Variants in PDE4D observed in about 807,000 individuals in gnomAD.
PDE4D encodes 3',5'-cyclic-AMP phosphodiesterase 4D.
A neutral mutation model predicts 87.4 loss-of-function variants in PDE4D; 24 were observed. The observed-to-expected ratio is 0.27, with a 90% confidence interval of 0.20 to 0.39. PDE4D has a LOEUF of 0.39. Among genes scored for constraint, PDE4D ranks in the 10% least tolerant of loss-of-function variants. The probability of loss-of-function intolerance (pLI) is 1.00; values close to 1 mark genes in which losing one functional copy is unlikely to be tolerated. For missense variants in PDE4D, 714 were observed against 1,041.0 expected (o/e 0.69, Z 4.32); for synonymous variants, 384 against 383.2 (o/e 1.00, Z -0.02).
At chr5:60,307,437 C>T (rs1169734566) in intron 1 of PDE4D, among the ~76,000 whole-genome samples, 1 of 152,144 alleles carries the variant, frequency 6.6e-6, no homozygotes, top group Non-Finnish European at 1.5e-5. Flanking sequence ...TATCAACTCA[C>T]TGAAGAAGCT....
intron 1 of PDE4D, among the ~76,000 whole-genome samples, chr5:59,288,809 G>GA (rs1033634711): frequency 6.6e-5 from 10 of 151,914 alleles, no homozygotes; most frequent in Non-Finnish European, 1.3e-4. Flanking sequence ...GTGCTAAAGG[G>GA]AAAAAAACTT....
At chr5:60,040,903 G>A (rs941871665) in intron 2 of PDE4D, among the ~76,000 whole-genome samples, 5 of 152,056 alleles carry the variant, frequency 3.3e-5, no homozygotes, top group African/African-American at 9.7e-5. Context: ...AAGTGAGCCC[G>A]AATTCTTTCG....
At chr5:59,380,388 C>CA (rs10574102) in intron 1 of PDE4D, among the ~76,000 whole-genome samples, 18,482 of 108,648 alleles carry the variant, frequency 0.17, 1,759 homozygotes, top group Admixed American at 0.22. Context: ...CAAAAGCAAT[C>CA]AAAAAAAAAA....
chr5:60,460,339 T>C (rs1746826764), intron 1 of PDE4D: 1 of 987,840 alleles, frequency 1.0e-6, no homozygotes, highest in Non-Finnish European at 1.6e-6. Flanking sequence ...ATCTATTCTG[T>C]AACCTGATTT....
chr5:59,857,585 AT>A (rs1745631645), intron 1 of PDE4D, among the ~76,000 whole-genome samples: 4 of 152,014 alleles, frequency 2.6e-5, no homozygotes, highest in African/African-American at 9.7e-5. Flanking sequence ...CTGAATCAGT[AT>A]TGATTTTTTT....
intron 2 of PDE4D, among the ~76,000 whole-genome samples, chr5:60,024,439 T>C (rs1049915578): frequency 6.6e-6 from 1 of 152,210 alleles, no homozygotes; most frequent in Non-Finnish European, 1.5e-5. Flanking sequence ...TTCAAAGATG[T>C]ATTTATTTAA....
intron 2 of PDE4D, among the ~76,000 whole-genome samples, chr5:60,173,667 CT>C (rs1783672480): frequency 6.6e-6 from 1 of 152,000 alleles, no homozygotes; most frequent in Non-Finnish European, 1.5e-5. Flanking sequence ...ATTCAAAACA[CT>C]TAGTACACTA....
At chr5:59,959,022 T>A (rs1224446414) in intron 3 of PDE4D, among the ~76,000 whole-genome samples, 1 of 151,826 alleles carries the variant, frequency 6.6e-6, no homozygotes, top group Non-Finnish European at 1.5e-5. Flanking sequence ...TGTACGAAAA[T>A]CAGTAGCATT....
chr5:59,656,487 A>C (rs1334409770), intron 1 of PDE4D, among the ~76,000 whole-genome samples: 1 of 152,240 alleles, frequency 6.6e-6, no homozygotes, highest in Admixed American at 6.5e-5. Flanking sequence ...TGTTAAGTCC[A>C]CGTGTCATGT....
chr5:60,186,358 T>A (rs1386259016), intron 1 of PDE4D, among the ~76,000 whole-genome samples: 1 of 152,196 alleles, frequency 6.6e-6, no homozygotes, highest in African/African-American at 2.4e-5. Context: ...GACATTGACA[T>A]CCTCATTACC....
chr5:60,417,686 G>T (rs75512356), intron 1 of PDE4D, among the ~76,000 whole-genome samples: 1 of 152,004 alleles, frequency 6.6e-6, no homozygotes, highest in Non-Finnish European at 1.5e-5. Flanking sequence ...ATATAAAGAA[G>T]AATTTTTTTT....
chr5:59,834,875 C>T (rs1741770735), intron 1 of PDE4D, among the ~76,000 whole-genome samples: 1 of 152,034 alleles, frequency 6.6e-6, no homozygotes, highest in African/African-American at 2.4e-5. Context: ...AAGTCTGTGT[C>T]CCCAGATTTT....
chr5:60,329,249 G>C (rs763844484), intron 1 of PDE4D, among the ~76,000 whole-genome samples: 29 of 152,128 alleles, frequency 1.9e-4, no homozygotes, highest in Non-Finnish European at 3.7e-4. Flanking sequence ...AATCATGGGT[G>C]GGGGGTTACT....
At chr5:59,493,884 A>C (rs1806667003) in intron 1 of PDE4D, among the ~76,000 whole-genome samples, 1 of 152,238 alleles carries the variant, frequency 6.6e-6, no homozygotes, top group East Asian at 1.9e-4. Flanking sequence ...AAAAGGTGGA[A>C]CATACGTCTG....
chr5:60,385,223 G>A (rs1440553716), intron 1 of PDE4D, among the ~76,000 whole-genome samples: 1 of 152,184 alleles, frequency 6.6e-6, no homozygotes, highest in Non-Finnish European at 1.5e-5. Flanking sequence ...CAAAATGTAG[G>A]AGGGTATGGA....
intron 2 of PDE4D, among the ~76,000 whole-genome samples, chr5:60,035,536 A>C (rs183526090): frequency 6.6e-6 from 1 of 152,322 alleles, no homozygotes; most frequent in Admixed American, 6.5e-5. Flanking sequence ...CCATCAAGTT[A>C]GGCGGAGTCT....
At position 59,351,993 on chromosome 5, in the gene PDE4D, A is replaced by T. The variant is rs536663297; in HGVS notation, c.456-136025T>A. ...GAGAGGGACCAGGAGTCCTGGTTCT[A>T]ACACAGACTTCCAGAATTCACACCT... On this transcript the variant is annotated intron_variant, in intron 1 of 14. Transcript: ENST00000340635. 1.9e-3 allele frequency among the ~76,000 whole-genome samples: 293 copies of T among 152,238 alleles called. 1 individual carries two copies. The highest frequency in any genetic ancestry group is 3.5e-3 in the Non-Finnish European group (241 of 68,000).
chr5:60,432,331 AC>A (rs2150117594), intron 1 of PDE4D, among the ~76,000 whole-genome samples: 1 of 152,262 alleles, frequency 6.6e-6, no homozygotes, highest in Non-Finnish European at 1.5e-5. Flanking sequence ...TAGGAATGGT[AC>A]CAGCTCTACT....
In PDE4D at chr5:59,514,186, T is replaced by A. The variant is rs929153056; in HGVS notation, c.456-298218A>T. 7.3e-5 allele frequency among the ~76,000 whole-genome samples: 11 copies of A among 151,502 alleles called. No individual in the cohort carries two copies. In the East Asian group the frequency reaches 9.8e-4, roughly 13 times the overall value. On this transcript the variant is annotated intron_variant, in intron 1 of 14. Transcript: ENST00000340635. ...AGTGGTGCGATCTCGGCTCACTGCATGCTCCGCCTCCCGGGTTCACACCAT... is the reference window on the plus strand; with the variant it reads ...AGTGGTGCGATCTCGGCTCACTGCAAGCTCCGCCTCCCGGGTTCACACCAT...
Sources: gnomAD v4.1 joint callset for allele counts (sites outside exome capture counted in the v4.1 genomes callset) on GRCh38, gnomAD v4.1.1 for gene constraint, MANE v1.5 for transcripts, NCBI Gene and HGNC (gene_info 2026-07-23, HGNC 2026-07-21) for gene names.